SNRNP40: variants seen among roughly 807,000 people sequenced by gnomAD.
SNRNP40 encodes the protein U5 small nuclear ribonucleoprotein 40 kDa protein.
In SNRNP40, 21 loss-of-function variants were observed where a neutral mutation model predicts 45.8. The ratio of observed to expected loss-of-function variants is 0.46; its 90% CI spans 0.32 to 0.66. The LOEUF is 0.66. SNRNP40 is among the 30% of genes least tolerant of loss of function. The pLI is 0.03. For synonymous variants in SNRNP40, 142 were observed against 163.8 expected (o/e 0.87, Z 1.01); for missense variants, 344 against 439.1 (o/e 0.78, Z 1.94).
intron 5 of SNRNP40, among the ~76,000 whole-genome samples, chr1:31,273,928 C>A (rs1363349916): frequency 2.0e-5 from 3 of 151,818 alleles, no homozygotes; most frequent in Non-Finnish European, 2.9e-5. Flanking sequence ...AAATGAAGCA[C>A]CTGAGCAGGG....
At chr1:31,291,846 G>A (rs12135540) in intron 3 of SNRNP40, 67 bp downstream of exon 3, 625,328 of 1,132,082 alleles carry the variant, frequency 0.55, 185,810 homozygotes, top group Non-Finnish European at 0.63. Context: ...CCTGAGAAAG[G>A]ATGAAAGGTG....
intron 8 of SNRNP40, among the ~76,000 whole-genome samples, chr1:31,262,465 G>A (rs1240855852): frequency 6.9e-6 from 1 of 144,296 alleles, no homozygotes; most frequent in African/African-American, 2.6e-5. Flanking sequence ...AGGTTGCAGT[G>A]AGCTGAGACC....
intron 5 of SNRNP40, 84 bp downstream of exon 5, chr1:31,281,290 C>T (rs1008918857): frequency 1.7e-6 from 2 of 1,200,438 alleles, no homozygotes; most frequent in Non-Finnish European, 2.4e-6. Context: ...AAGTGCAAAG[C>T]TACCACAATC....
At position 31,293,260 on chromosome 1, in the gene SNRNP40, T is replaced by C. The variant is rs772150730; in HGVS notation, c.230A>G (p.Asn77Ser). The stretch of plus-strand genomic sequence containing the variant: ...TCCTGCAGATGCTAAGGTGGATCCG[T>C]TGGGGTGGAACTTGCAGCAGTAGAC... The part of the protein sequence containing the change: ...GEVYCCKFHP[N>S]GSTLASAGFD... Residue 77 changes from asparagine to serine, a missense_variant, in exon 2 of 10, where the codon AAC becomes AGC. Transcript: ENST00000263694. The C allele has an allele frequency of 1.4e-5, 23 of 1,613,828 alleles. No homozygotes were observed. The highest frequency in any genetic ancestry group is 4.5e-5 in the East Asian group (2 of 44,880).
intron 4 of SNRNP40, chr1:31,282,610 TC>T (rs1437424461): frequency 1.3e-5 from 2 of 150,280 alleles, no homozygotes; most frequent in Non-Finnish European, 3.0e-5. Flanking sequence ...TATCTATCTA[TC>T]TATCTTTCTA....
chr1:31,271,121 G>A, intron 6 of SNRNP40: 1 of 340,362 alleles, frequency 2.9e-6, no homozygotes, highest in Non-Finnish European at 5.3e-6. Flanking sequence ...TGGATACACA[G>A]CATACCAGAG....
intron 9 of SNRNP40, among the ~76,000 whole-genome samples, chr1:31,260,577 C>T (rs993452317): frequency 5.9e-5 from 9 of 151,888 alleles, no homozygotes; most frequent in African/African-American, 2.2e-4. Flanking sequence ...AAGTATCATT[C>T]TTGGCCGGGC....
intron 2 of SNRNP40, 107 bp from the exon 3 acceptor site, chr1:31,292,113 A>C: frequency 1.5e-6 from 1 of 654,416 alleles, no homozygotes; most frequent in East Asian, 3.0e-5. Flanking sequence ...CTGTAATCCC[A>C]GCACTTTGGG....
chr1:31,264,868 A>G (rs950091782), intron 8 of SNRNP40, among the ~76,000 whole-genome samples: 1 of 152,188 alleles, frequency 6.6e-6, no homozygotes, highest in African/African-American at 2.4e-5. Context: ...CAGGCACATA[A>G]AAGACAGAAT....
intron 6 of SNRNP40, chr1:31,269,481 A>G (rs1252112710): frequency 2.1e-6 from 2 of 951,266 alleles, no homozygotes; most frequent in Non-Finnish European, 2.9e-6. Context: ...TGTCACACAC[A>G]ATGTTGGTAA....
At chr1:31,289,651 T>C (rs1054051465) in intron 3 of SNRNP40, among the ~76,000 whole-genome samples, 2 of 152,296 alleles carry the variant, frequency 1.3e-5, no homozygotes, top group African/African-American at 4.8e-5. Context: ...ATTCCCCTTC[T>C]TTGAGTCCCC....
intron 5 of SNRNP40, among the ~76,000 whole-genome samples, chr1:31,278,132 AT>A (rs945198836): frequency 1.3e-5 from 2 of 151,976 alleles, no homozygotes; most frequent in African/African-American, 4.8e-5. Flanking sequence ...TTGCCCTATG[AT>A]TTTTTTTGAG....
In SNRNP40 at chr1:31,260,064, C is replaced by T; in HGVS notation, c.*8G>A. ...ACAAGCGGCCTTGGAGTCTTCCAGT[C>T]CATATCTTCACTGAATCTCTCCCAT... On this transcript the variant is annotated 3_prime_UTR_variant, in exon 10 of 10. Coordinates refer to ENST00000263694, the MANE Select transcript of SNRNP40 (RefSeq NM_004814.3). The T allele has an allele frequency of 6.2e-7, 1 of 1,606,202 alleles. No individual in the cohort carries two copies. The highest frequency in any genetic ancestry group is 8.5e-7 in the Non-Finnish European group (1 of 1,172,934).
intron 5 of SNRNP40, among the ~76,000 whole-genome samples, chr1:31,273,969 GTTTTTT>G (rs1038382729): frequency 1.4e-5 from 2 of 147,506 alleles, no homozygotes; most frequent in Non-Finnish European, 3.0e-5. Flanking sequence ...TTTTGTTTTT[GTTTTTT>G]TTTTAACTTA....
intron 3 of SNRNP40, among the ~76,000 whole-genome samples, 198 bp from the exon 4 acceptor site, chr1:31,289,617 AT>A (rs1484405414): frequency 1.3e-5 from 2 of 152,246 alleles, no homozygotes; most frequent in East Asian, 3.8e-4. Context: ...CAGATAAAAG[AT>A]CTACCCCTGT....
intron 8 of SNRNP40, among the ~76,000 whole-genome samples, chr1:31,265,170 G>A (rs1016832612): frequency 2.0e-5 from 3 of 152,124 alleles, no homozygotes; most frequent in African/African-American, 7.2e-5. Context: ...TGTTGCCCAG[G>A]CTGGAGAGCA....
At chr1:31,286,876 CT>C (rs1328631288) in intron 4 of SNRNP40, among the ~76,000 whole-genome samples, 2 of 152,174 alleles carry the variant, frequency 1.3e-5, no homozygotes, top group African/African-American at 4.8e-5. Flanking sequence ...ACCTTCCCTG[CT>C]TTGGCCTATA....
intron 8 of SNRNP40, among the ~76,000 whole-genome samples, chr1:31,262,299 C>T (rs1362542933): frequency 6.6e-6 from 1 of 151,666 alleles, no homozygotes; most frequent in Non-Finnish European, 1.5e-5. Context: ...GTGCGTGGAT[C>T]GTCTTAGGTC....
At chr1:31,268,993 AT>A (rs1191285713) in intron 7 of SNRNP40, among the ~76,000 whole-genome samples, 164 bp downstream of exon 7, 18 of 152,318 alleles carry the variant, frequency 1.2e-4, no homozygotes, top group Middle Eastern at 3.4e-3. Context: ...CCCAGTCACT[AT>A]TATTTCTATC....
Sources: gnomAD v4.1 joint callset for allele counts (sites outside exome capture counted in the v4.1 genomes callset) on GRCh38, gnomAD v4.1.1 for gene constraint, MANE v1.5 for transcripts, NCBI Gene and HGNC (gene_info 2026-07-23, HGNC 2026-07-21) for gene names.